Variants in CSGALNACT1 observed in about 807,000 individuals in gnomAD.
The protein encoded by CSGALNACT1 is chondroitin sulfate N-acetylgalactosaminyltransferase 1.
Under a neutral mutation model 51.0 loss-of-function variants are expected in CSGALNACT1, and 52 were observed. The observed-to-expected ratio is 1.02, with a 90% confidence interval of 0.82 to 1.29. The LOEUF is 1.29. Among genes scored for constraint, CSGALNACT1 ranks in the 50% most tolerant of loss-of-function variants. CSGALNACT1 has a pLI of 0.00. For synonymous variants in CSGALNACT1, 341 were observed against 254.4 expected (o/e 1.34, Z -3.24); for missense variants, 935 against 679.2 (o/e 1.38, Z -4.19).
intron 1 of CSGALNACT1, among the ~76,000 whole-genome samples, chr8:19,609,908 G>A (rs899291718): frequency 9.2e-5 from 14 of 152,206 alleles, no homozygotes; most frequent in African/African-American, 3.1e-4. Context: ...TGGGACGGGA[G>A]GAGCATGGTC....
At chr8:19,632,925 T>C (rs550805733) in intron 1 of CSGALNACT1, among the ~76,000 whole-genome samples, 2 of 110,068 alleles carry the variant, frequency 1.8e-5, no homozygotes, top group African/African-American at 6.8e-5. Context: ...CAGCTAATTT[T>C]TTTTTCTTTT....
intron 5 of CSGALNACT1, among the ~76,000 whole-genome samples, chr8:19,447,335 A>G (rs1231171420): frequency 6.6e-6 from 1 of 152,184 alleles, no homozygotes; most frequent in Non-Finnish European, 1.5e-5. Context: ...AAAAGCCACA[A>G]GAAAACTCCA....
At chr8:19,607,405 T>C (rs760126278), upstream of CSGALNACT1, among the ~76,000 whole-genome samples, 3 of 152,242 alleles carry the variant, frequency 2.0e-5, no homozygotes, top group Non-Finnish European at 4.4e-5. Context: ...CTGTTTGTCA[T>C]TGGCTGTGAG....
chr8:19,620,021 G>A (rs1407121007), intron 1 of CSGALNACT1, among the ~76,000 whole-genome samples: 1 of 152,104 alleles, frequency 6.6e-6, no homozygotes, highest in East Asian at 1.9e-4. Flanking sequence ...ACTTCTATAA[G>A]AAGAAAGCAG....
rs150279689 is a variant in CSGALNACT1 at position 19,459,091 on chromosome 8, T to G, written c.635-449A>C. 1.8e-4 allele frequency among the ~76,000 whole-genome samples: 27 copies of G among 152,180 alleles called. No homozygotes were observed. In the East Asian group the frequency reaches 5.2e-3, roughly 29 times the overall value. ...CAGCAATAAAATTATGTCTTAGAAA[T>G]TAAACCACTTCAGCCTGGGCGCAGT... is the stretch of plus-strand genomic sequence containing the variant. On this transcript the variant is annotated intron_variant, in intron 4 of 9. Transcript: ENST00000454498.
At position 19,518,817 on chromosome 8, in the gene CSGALNACT1, C is replaced by T. The variant is rs138136715; in HGVS notation, c.-296-12687G>A. 3.6e-3 allele frequency among the ~76,000 whole-genome samples: 548 copies of T among 152,296 alleles called. 1 individual carries two copies. Among genetic ancestry groups the T allele is most frequent in the African/African-American group, 0.012 (508 of 41,572 alleles). On this transcript the variant is annotated intron_variant, in intron 3 of 9. Transcript: ENST00000454498. ...AGGCAGAGATGCTGAGTGTAGACATCAGCCACAAGGCACGATCAGAGGTGT... is the reference window on the plus strand; with the variant it reads ...AGGCAGAGATGCTGAGTGTAGACATTAGCCACAAGGCACGATCAGAGGTGT...
intron 1 of CSGALNACT1, among the ~76,000 whole-genome samples, chr8:19,735,190 G>C (rs1254689328): frequency 6.6e-6 from 1 of 151,986 alleles, no homozygotes; most frequent in Non-Finnish European, 1.5e-5. Context: ...CTCAGCATTG[G>C]CTCTGGGTGA....
At chr8:19,599,290 C>T (rs114224852) in intron 2 of CSGALNACT1, among the ~76,000 whole-genome samples, 3,515 of 151,242 alleles carry the variant, frequency 0.023, 147 homozygotes, top group African/African-American at 0.081. Flanking sequence ...TAGGGAGAGG[C>T]AGGAAATATA....
chr8:19,733,927 G>A (rs2063825204), intron 1 of CSGALNACT1, among the ~76,000 whole-genome samples: 1 of 152,138 alleles, frequency 6.6e-6, no homozygotes, highest in Non-Finnish European at 1.5e-5. Context: ...GCCCAGGAGT[G>A]CAAGCCCAAA....
At chr8:19,756,538 G>A (rs553889995) in intron 1 of CSGALNACT1, among the ~76,000 whole-genome samples, 12 of 152,224 alleles carry the variant, frequency 7.9e-5, no homozygotes, top group African/African-American at 2.4e-4. Flanking sequence ...CTTTGCCTCC[G>A]CTTCCTACAG....
chr8:19,706,841 G>T (rs2062198662), intron 1 of CSGALNACT1, among the ~76,000 whole-genome samples: 2 of 152,106 alleles, frequency 1.3e-5, no homozygotes, highest in South Asian at 4.1e-4. Context: ...TGCCCAGGCT[G>T]GTTTTGAACT....
intron 1 of CSGALNACT1, among the ~76,000 whole-genome samples, chr8:19,721,622 C>T (rs2063133829): frequency 6.6e-6 from 1 of 152,144 alleles, no homozygotes; most frequent in African/African-American, 2.4e-5. Context: ...GGCCACTTCA[C>T]ACTAAAATAC....
At chr8:19,488,688 T>A (rs1311254466) in intron 4 of CSGALNACT1, among the ~76,000 whole-genome samples, 1 of 152,102 alleles carries the variant, frequency 6.6e-6, no homozygotes, top group Non-Finnish European at 1.5e-5. Context: ...ACTAACATTT[T>A]ATTGGGCCAG....
At chr8:19,662,113 T>C (rs1001861117) in intron 1 of CSGALNACT1, among the ~76,000 whole-genome samples, 61 of 103,720 alleles carry the variant, frequency 5.9e-4, no homozygotes, top group Non-Finnish European at 1.1e-3. Flanking sequence ...CTTCAGCTCT[T>C]TATTGAAATC....
At chr8:19,449,905 T>C (rs1179130797) in intron 5 of CSGALNACT1, among the ~76,000 whole-genome samples, 1 of 151,664 alleles carries the variant, frequency 6.6e-6, no homozygotes, top group Non-Finnish European at 1.5e-5. Context: ...AGAAAATCTA[T>C]AGCTTTGTTA....
At chr8:19,648,791 G>A (rs1261169561) in intron 1 of CSGALNACT1, among the ~76,000 whole-genome samples, 2 of 152,202 alleles carry the variant, frequency 1.3e-5, no homozygotes, top group Non-Finnish European at 2.9e-5. Flanking sequence ...GCGTGACAGA[G>A]TGGGACCCTG....
chr8:19,640,597 C>G (rs2056626513), intron 1 of CSGALNACT1, among the ~76,000 whole-genome samples: 4 of 152,176 alleles, frequency 2.6e-5, no homozygotes, highest in Non-Finnish European at 5.9e-5. Flanking sequence ...AACATTAATT[C>G]TAAGCAGATT....
chr8:19,560,797 C>A (rs2040532947), intron 3 of CSGALNACT1, among the ~76,000 whole-genome samples: 1 of 152,222 alleles, frequency 6.6e-6, no homozygotes, highest in African/African-American at 2.4e-5. Context: ...AGCAATTCCA[C>A]TTCTGGGTTG....
At chr8:19,751,806 G>A (rs191626933) in intron 1 of CSGALNACT1, among the ~76,000 whole-genome samples, 5 of 152,116 alleles carry the variant, frequency 3.3e-5, no homozygotes, top group African/African-American at 7.2e-5. Context: ...GTGAAGATGT[G>A]CTTGCCTCTC....
Sources: gnomAD v4.1 joint callset for allele counts (sites outside exome capture counted in the v4.1 genomes callset) on GRCh38, gnomAD v4.1.1 for gene constraint, MANE v1.5 for transcripts, NCBI Gene and HGNC (gene_info 2026-07-23, HGNC 2026-07-21) for gene names.